The following NFATC2 variants were observed in gnomAD, a reference collection of about 807,000 sequenced individuals.
NFATC2 encodes nuclear factor of activated T-cells, cytoplasmic 2.
Under a neutral mutation model 87.3 loss-of-function variants are expected in NFATC2, and 22 were observed. That is an observed-to-expected ratio of 0.25 (90% CI 0.18 to 0.36). The LOEUF (loss-of-function observed/expected upper bound fraction) is 0.36. Ranked by LOEUF, NFATC2 falls within the 10% of genes least tolerant of loss-of-function variation. The probability of loss-of-function intolerance (pLI) is 1.00; values close to 1 mark genes in which losing one functional copy is unlikely to be tolerated. For synonymous variants in NFATC2, 565 were observed against 542.2 expected, an observed-to-expected ratio of 1.04 and a Z score of -0.58; for missense variants, 1,149 against 1,259.1, an observed-to-expected ratio of 0.91 and a Z score of 1.32.
chr20:51,453,762 TA>T (rs900430456), intron 6 of NFATC2, among the ~76,000 whole-genome samples: 2 of 152,098 alleles, frequency 1.3e-5, no homozygotes, highest in East Asian at 3.9e-4. Flanking sequence ...CTTTTTAATT[TA>T]AAAAAATGGC....
intron 5 of NFATC2, among the ~76,000 whole-genome samples, chr20:51,462,840 G>T (rs537459011): frequency 6.6e-6 from 1 of 152,296 alleles, no homozygotes; most frequent in East Asian, 1.9e-4. Flanking sequence ...CAGAGGAGAA[G>T]GAATAAGCTT....
At chr20:51,440,709 A>G (rs1304399117) in intron 6 of NFATC2, among the ~76,000 whole-genome samples, 1 of 152,238 alleles carries the variant, frequency 6.6e-6, no homozygotes, top group Non-Finnish European at 1.5e-5. Context: ...TTCTCATGGA[A>G]GGTCTGCACT....
At chr20:51,472,118 G>A (rs1988263860) in intron 5 of NFATC2, among the ~76,000 whole-genome samples, 2 of 152,194 alleles carry the variant, frequency 1.3e-5, no homozygotes, top group South Asian at 4.1e-4. Flanking sequence ...AGCCAGGCGT[G>A]GTAGTGGGTG....
chr20:51,491,418 G>A (rs1486056423), intron 3 of NFATC2, among the ~76,000 whole-genome samples: 1 of 152,182 alleles, frequency 6.6e-6, no homozygotes, highest in African/African-American at 2.4e-5. Flanking sequence ...CGCTGTGCCT[G>A]TGAGGTATGC....
intron 5 of NFATC2, among the ~76,000 whole-genome samples, chr20:51,463,950 A>G (rs1013770173): frequency 1.3e-5 from 2 of 151,706 alleles, no homozygotes; most frequent in Non-Finnish European, 2.9e-5. Context: ...TATTTCAATC[A>G]GCAAAGAAGC....
intron 6 of NFATC2, among the ~76,000 whole-genome samples, chr20:51,448,558 G>T (rs1422643166): frequency 1.3e-5 from 2 of 152,214 alleles, no homozygotes; most frequent in African/African-American, 4.8e-5. Context: ...GCAGGAGAAT[G>T]GCGTGAACCT....
At chr20:51,414,722 A>T (rs2146282967) in intron 9 of NFATC2, among the ~76,000 whole-genome samples, 1 of 151,620 alleles carries the variant, frequency 6.6e-6, no homozygotes, top group East Asian at 1.9e-4. Context: ...GGAGAGCAGG[A>T]TTTCCAGGCG....
rs914170159 is a variant in NFATC2, at chr20:51,388,388, C to T, written c.*3108G>A. The stretch of plus-strand genomic sequence containing the variant: ...CTTCTTCCACAAAGCCATTCCTTCT[C>T]CTGAGATGCCATCTTCTAGAGAGGT... On this transcript the variant is annotated 3_prime_UTR_variant, in exon 11 of 11. Coordinates refer to ENST00000371564, the MANE Select transcript of NFATC2 (RefSeq NM_012340.5). The T allele has an allele frequency of 9.2e-5, 14 of 152,068 alleles. No homozygotes were observed. The highest frequency in any genetic ancestry group is 3.4e-4 in the African/African-American group (14 of 41,410). 9.4% of individuals were successfully genotyped at this position (152,068 alleles called of 1,614,324 possible).
Position 51,432,633 on chromosome 20 carries a change from G to C in NFATC2, c.2156C>G (p.Ser719Cys). The C allele has an allele frequency of 6.5e-7, 1 of 1,539,356 alleles. No homozygotes were observed. Among genetic ancestry groups the C allele is most frequent in the Non-Finnish European group, 8.7e-7 (1 of 1,145,742 alleles). The part of the protein sequence containing the change: ...PQHPMVAESP[S>C]CLVATMAPCQ... ...GGGAGCCATGGTGGCCACGAGGCAGGAGGGGGACTCGGCCACCATCGGGTG... is the reference window on the plus strand; with the variant it reads ...GGGAGCCATGGTGGCCACGAGGCAGCAGGGGGACTCGGCCACCATCGGGTG... The change falls in exon 9 of 11, where the codon TCC (serine) becomes TGC (cysteine). Residue 719 changes from serine (S) to cysteine (C), a missense_variant. Transcript: ENST00000371564. This position sits in a 1 kb window ranked among gnomAD's most constrained non-coding sequence, Gnocchi z 4.6.
chr20:51,462,387 A>G (rs1987255141), intron 5 of NFATC2, among the ~76,000 whole-genome samples: 1 of 152,182 alleles, frequency 6.6e-6, no homozygotes, highest in African/African-American at 2.4e-5. Flanking sequence ...CAGAAGTTGC[A>G]GTGAGTCGAG....
intron 9 of NFATC2, among the ~76,000 whole-genome samples, chr20:51,399,761 C>A (rs887658494): frequency 6.6e-6 from 1 of 152,212 alleles, no homozygotes; most frequent in Non-Finnish European, 1.5e-5. Context: ...CCTAAGGCAG[C>A]TCCCACACTA....
rs754883750 is a variant in NFATC2, at chr20:51,523,937, T to G, written c.304A>C (p.Lys102Gln). 4.5e-5 allele frequency: 72 copies of G among 1,597,082 alleles called. No individual in the cohort carries two copies. The highest frequency in any genetic ancestry group is 4.8e-5 in the Non-Finnish European group (56 of 1,175,476). The change falls in exon 2 of 11, where the codon AAG (lysine) becomes CAG (glutamine). Residue 102 changes from lysine (K) to glutamine (Q), a missense_variant. Physicochemically the swap from Lys to Gln is moderately conservative, Grantham distance 53 (BLOSUM62 1). This residue lies in a region of NFATC2 where 563 missense variants were observed against 585.2 expected (regional missense o/e 0.96). Coordinates refer to ENST00000371564, the MANE Select transcript of NFATC2 (RefSeq NM_012340.5). This position sits in a 1 kb window ranked among gnomAD's most constrained non-coding sequence, Gnocchi z 6.9. Reference protein sequence around the residue: ...VGPQKFLSAAKPAGASGLSPR... With the variant: ...VGPQKFLSAAQPAGASGLSPR... The stretch of plus-strand genomic sequence containing the variant: ...CTCAGGCCCGAGGCCCCTGCTGGCT[T>G]GGCCGCGCTCAGAAACTTCTGCGGC...
At chr20:51,455,848 ATGGG>A (rs1158903852) in intron 5 of NFATC2, among the ~76,000 whole-genome samples, 5 of 5,396 alleles carry the variant, frequency 9.3e-4, no homozygotes, top group African/African-American at 3.8e-3. Flanking sequence ...GGGTGGGTGG[ATGGG>A]TGGGTGGGTA....
At chr20:51,553,793 A>G (rs375293879) in intron 1 of NFATC2, among the ~76,000 whole-genome samples, 1 of 151,324 alleles carries the variant, frequency 6.6e-6, no homozygotes, top group East Asian at 1.9e-4. Context: ...GGGAGGCTCC[A>G]TCTTCTACCA....
chr20:51,534,993 A>G (rs1489282052), intron 1 of NFATC2, among the ~76,000 whole-genome samples: 3 of 152,096 alleles, frequency 2.0e-5, no homozygotes, highest in Admixed American at 1.3e-4. Flanking sequence ...AATTTATCCA[A>G]TCACCTTGCT....
chr20:51,526,241 A>T (rs2146736041), intron 1 of NFATC2, among the ~76,000 whole-genome samples: 1 of 152,264 alleles, frequency 6.6e-6, no homozygotes, highest in African/African-American at 2.4e-5. Context: ...GGCAAACCAC[A>T]GCCCATGGGC....
In NFATC2 at chr20:51,390,881, A is replaced by G. The variant is rs1442622978; in HGVS notation, c.*615T>C. On this transcript the variant is annotated 3_prime_UTR_variant, in exon 11 of 11. Coordinates refer to ENST00000371564, the MANE Select transcript of NFATC2 (RefSeq NM_012340.5). ...GACTGACAGTTCAGTTTCTGTCTCT[A>G]TCGAGGGTTTTGGGTTTCTTCAGCC... 7 of 202,540 alleles carry G rather than the reference A, an allele frequency of 3.5e-5. No homozygotes were observed. The South Asian group carries it at 4.2e-4, about 12-fold the overall frequency. The allele number at this position is 202,540 out of a possible 1,614,324, so 12.5% of individuals were successfully genotyped here. A position where few individuals can be genotyped will look rare whatever the true frequency, so the allele number is the denominator to read the frequency against.
rs6096452 is a variant in NFATC2 at position 51,507,760 on chromosome 20, C to T, written c.1332+9024G>A. On this transcript the variant is annotated intron_variant, in intron 3 of 10. Transcript: ENST00000371564. The stretch of plus-strand genomic sequence containing the variant: ...CAACAACATGGGCTGTGGCTGCAGA[C>T]GTCCTATGCCCCAATCAAGCAGCAT... Among the ~76,000 whole-genome samples, 448 of 152,366 alleles carry T rather than the reference C, an allele frequency of 2.9e-3. 1 individual carries two copies. Among genetic ancestry groups the T allele is most frequent in the African/African-American group, 1.0e-2 (415 of 41,586 alleles).
chr20:51,446,629 G>A (rs1442995845), intron 6 of NFATC2, among the ~76,000 whole-genome samples: 1 of 152,220 alleles, frequency 6.6e-6, no homozygotes, highest in African/African-American at 2.4e-5. Context: ...CAAACGGAAT[G>A]AACTGCAGGA....
Sources: gnomAD v4.1 joint callset for allele counts (sites outside exome capture counted in the v4.1 genomes callset) on GRCh38, gnomAD v4.1.1 for gene constraint, gnomAD v4.1.1 regional missense constraint, Gnocchi (gnomAD v3.1) non-coding constraint, MANE v1.5 for transcripts, NCBI Gene and HGNC (gene_info 2026-07-23, HGNC 2026-07-21) for gene names.